FNIP1: variants seen among roughly 807,000 people sequenced by gnomAD.
FNIP1 encodes folliculin interacting protein 1.
Under a neutral mutation model 124.5 loss-of-function variants are expected in FNIP1, and 40 were observed. The observed-to-expected ratio is 0.32, with a 90% CI of 0.25 to 0.42. The LOEUF (loss-of-function observed/expected upper bound fraction) is 0.42, where lower values mean the gene tolerates loss of function less well. Ranked by LOEUF, FNIP1 falls within the 10% of genes least tolerant of loss-of-function variation. The pLI, the probability that FNIP1 is intolerant of heterozygous loss-of-function variation, is 1.00. For missense variants in FNIP1, 1,176 were observed against 1,403.7 expected (o/e 0.84, Z 2.59); for synonymous variants, 472 against 470.6 (o/e 1.00, Z -0.04).
At chr5:131,670,322 G>C (rs754544418) in intron 15 of FNIP1, 141 bp downstream of exon 15, 1 of 604,230 alleles carries the variant, frequency 1.7e-6, no homozygotes, top group African/African-American at 1.9e-5. Flanking sequence ...ACAAAGATAC[G>C]GGCACTGAAT....
chr5:131,723,069 G>A (rs923433909), intron 3 of FNIP1, among the ~76,000 whole-genome samples: 4 of 152,080 alleles, frequency 2.6e-5, no homozygotes, highest in African/African-American at 9.7e-5. Flanking sequence ...CTTGAGATTT[G>A]GTTAAGATCA....
chr5:131,644,702 C>T lies in FNIP1; in HGVS notation c.3484G>A (p.Ala1162Thr), dbSNP rs1278413053. ...TAGGTATATTAAAGGAGTATTTGTG[C>T]AACATATGGAGAGTGAGTGCTTGCT... ...AVASTHSPYV[A>T]QILL is the part of the protein sequence containing the mutation. Residue 1162 changes from alanine to threonine, a missense_variant, in exon 18 of 18, where the codon GCA becomes ACA. Physicochemically the swap from Ala to Thr is moderately conservative, Grantham distance 58. Around this residue, in one of 2 missense-constraint regions of FNIP1, gnomAD observed 67 missense variants for 115.2 expected, o/e 0.58. Coordinates refer to ENST00000510461, the MANE Select transcript of FNIP1 (RefSeq NM_133372.3). 4.3e-6 allele frequency: 7 copies of T among 1,613,544 alleles called. No individual in the cohort carries two copies. The highest frequency in any genetic ancestry group is 1.3e-5 in the African/African-American group (1 of 74,894).
At chr5:131,760,934 GAA>G (rs975679272) in intron 1 of FNIP1, among the ~76,000 whole-genome samples, 2 of 151,832 alleles carry the variant, frequency 1.3e-5, no homozygotes, top group African/African-American at 4.8e-5. Context: ...GGGAGGGAGA[GAA>G]GTATGCTAAA....
intron 1 of FNIP1, among the ~76,000 whole-genome samples, chr5:131,765,885 T>C (rs999447819): frequency 2.6e-5 from 4 of 152,240 alleles, no homozygotes. Context: ...AATCTTTATG[T>C]TCTCCATCTC....
chr5:131,674,631 T>C lies in FNIP1; in HGVS notation c.1520-1707A>G, dbSNP rs1489679356. 2.6e-5 allele frequency among the ~76,000 whole-genome samples: 4 copies of C among 151,870 alleles called. No homozygotes were observed. In the East Asian group the frequency reaches 5.8e-4, roughly 22 times the overall value. ...TACCTGAGAGGCTGAGGCGGAAGAA[T>C]CACCTGAGCCCAGGAAGTTGAGGCT... is the stretch of plus-strand genomic sequence containing the variant. On this transcript the variant is annotated intron_variant, in intron 13 of 17. Coordinates refer to ENST00000510461, the MANE Select transcript of FNIP1 (RefSeq NM_133372.3).
Position 131,796,853 on chromosome 5 carries a change from G to A in FNIP1, c.69C>T (p.Ala23=), listed in dbSNP as rs1772626512. Residue 23 remains alanine, a synonymous_variant, in exon 1 of 18, where the codon GCC becomes GCT. Coordinates refer to ENST00000510461, the MANE Select transcript of FNIP1 (RefSeq NM_133372.3). Reference sequence around the variant, plus strand: ...ACCTGAACCCGCAATCTGGGTCCCGGGCGTCGCGGCCGGGCGCGCCCAGCC... The same window carrying A: ...ACCTGAACCCGCAATCTGGGTCCCGAGCGTCGCGGCCGGGCGCGCCCAGCC... The part of the protein sequence containing the change: ...RTGLGAPGRD[A]RDPDCGFSWP... The A allele has an allele frequency of 1.9e-6, 3 of 1,602,666 alleles. No individual in the cohort carries two copies. The highest frequency in any genetic ancestry group is 2.2e-5 in the South Asian group (2 of 89,386).
rs1772311990 is a variant in FNIP1 at position 131,789,026 on chromosome 5, C to A, written c.92+7804G>T. Among the ~76,000 whole-genome samples the A allele has an allele frequency of 5.9e-5, 9 of 152,212 alleles. No homozygotes were observed. The South Asian group carries it at 1.9e-3, about 32-fold the overall frequency. The stretch of plus-strand genomic sequence containing the variant: ...ATATGCAATCAACCTAAGTGTCCAT[C>A]AACAGATGAATGGATAAAGAAAATG... On this transcript the variant is annotated intron_variant, in intron 1 of 17. Transcript: ENST00000510461.
chr5:131,701,602 T>C (rs929037707), intron 10 of FNIP1, among the ~76,000 whole-genome samples: 1 of 152,220 alleles, frequency 6.6e-6, no homozygotes, highest in East Asian at 1.9e-4. Context: ...TTTTTTGACA[T>C]ACTCAATATG....
At chr5:131,693,345 T>TATATATAC (rs1554094501) in intron 11 of FNIP1, among the ~76,000 whole-genome samples, 17 of 130,556 alleles carry the variant, frequency 1.3e-4, no homozygotes, top group African/African-American at 4.6e-4. Context: ...TATATATATA[T>TATATATAC]ATATATATAT....
Position 131,722,870 on chromosome 5 carries a change from G to T in FNIP1, c.355-3453C>A, listed in dbSNP as rs149639913. ...CCAGCTAATTTTTGTATTTTTAGTA[G>T]AGACAGGGATTCACCATTTTGGCCA... On this transcript the variant is annotated intron_variant, in intron 3 of 17. Transcript: ENST00000510461. 4.4e-3 allele frequency among the ~76,000 whole-genome samples: 671 copies of T among 152,232 alleles called. 12 individuals carry two copies. Among genetic ancestry groups the T allele is most frequent in the African/African-American group, 0.016 (652 of 41,554 alleles).
chr5:131,730,972 T>G lies in FNIP1; in HGVS notation c.286A>C (p.Ser96Arg). Residue 96 changes from serine to arginine, a missense_variant, in exon 3 of 18, where the codon AGT (serine) becomes CGT (arginine). By Grantham distance (110) the Ser-to-Arg change is moderately radical. Transcript: ENST00000510461. ...KCCQLKPGGD[S>R]SSSLDSSVTS... ...ACAGAACTATCTAAAGAGGAAGAAC[T>G]GTCTCCTCCAGGTTTCAGTTGGCAG... The G allele has an allele frequency of 1.2e-6, 2 of 1,613,308 alleles. No homozygotes were observed. The highest frequency in any genetic ancestry group is 1.7e-6 in the Non-Finnish European group (2 of 1,179,464).
intron 2 of FNIP1, among the ~76,000 whole-genome samples, chr5:131,736,767 A>C (rs184071741): frequency 3.2e-4 from 48 of 152,280 alleles, no homozygotes; most frequent in African/African-American, 1.1e-3. Flanking sequence ...TTTTAATGGG[A>C]TCTGAGGATT....
intron 10 of FNIP1, among the ~76,000 whole-genome samples, chr5:131,700,545 C>T (rs187538281): frequency 6.6e-6 from 1 of 152,144 alleles, no homozygotes; most frequent in East Asian, 1.9e-4. Context: ...AAGTGAAACA[C>T]GCTTTATGTT....
chr5:131,698,868 C>CTG (rs766739644), intron 11 of FNIP1, 49 bp downstream of exon 11: 1 of 1,457,324 alleles, frequency 6.9e-7, no homozygotes, highest in Non-Finnish European at 9.3e-7. Context: ...ATGAATCTTC[C>CTG]TGTGTACACT....
chr5:131,657,733 A>C (rs1362290673), intron 15 of FNIP1, among the ~76,000 whole-genome samples: 1 of 99,716 alleles, frequency 1.0e-5, no homozygotes, highest in Non-Finnish European at 2.2e-5. Flanking sequence ...CTTGAAAATA[A>C]GGCAAAAAAA....
intron 1 of FNIP1, among the ~76,000 whole-genome samples, chr5:131,760,075 T>C (rs1771174709): frequency 6.6e-6 from 1 of 152,046 alleles, no homozygotes; most frequent in Non-Finnish European, 1.5e-5. Flanking sequence ...AAATAGACAC[T>C]GTGGACTACT....
At chr5:131,731,161 G>GA in intron 2 of FNIP1, 123 bp from the exon 3 acceptor site, 1 of 789,448 alleles carries the variant, frequency 1.3e-6, no homozygotes, top group Non-Finnish European at 1.9e-6. Context: ...ACATTAATAT[G>GA]GCTATTGGCA....
chr5:131,718,886 A>T, intron 5 of FNIP1, 100 bp downstream of exon 5: 1 of 942,914 alleles, frequency 1.1e-6, no homozygotes, highest in East Asian at 2.6e-5. Context: ...GGAAAGACAG[A>T]AAATCTGAAC....
chr5:131,783,441 A>C (rs1001938351), intron 1 of FNIP1, among the ~76,000 whole-genome samples: 3 of 151,914 alleles, frequency 2.0e-5, no homozygotes, highest in African/African-American at 7.3e-5. Flanking sequence ...GAGAGGAAAA[A>C]ACAAAACAGA....
Sources: gnomAD v4.1 joint callset for allele counts (sites outside exome capture counted in the v4.1 genomes callset) on GRCh38, gnomAD v4.1.1 for gene constraint, gnomAD v4.1.1 regional missense constraint, MANE v1.5 for transcripts, NCBI Gene and HGNC (gene_info 2026-07-23, HGNC 2026-07-21) for gene names.